DNMT3A: variants seen among roughly 807,000 people sequenced by gnomAD.
DNMT3A encodes DNA (cytosine-5)-methyltransferase 3A.
In DNMT3A, 267 loss-of-function variants were observed where a neutral mutation model predicts 117.6. The ratio of observed to expected loss-of-function variants is 2.27; its 90% confidence interval spans 2.05 to 2.51. The LOEUF is 2.51. Among genes scored for constraint, DNMT3A ranks in the 30% most tolerant of loss-of-function variants. The pLI, the probability that DNMT3A is intolerant of heterozygous loss-of-function variation, is 0.00. For missense variants in DNMT3A, 1,029 were observed against 1,260.2 expected, an observed-to-expected ratio of 0.82 and a Z score of 2.78; for synonymous variants, 432 against 474.8, an observed-to-expected ratio of 0.91 and a Z score of 1.17.
intron 6 of DNMT3A, among the ~76,000 whole-genome samples, chr2:25,253,491 A>C (rs1675834882): frequency 6.6e-6 from 1 of 152,076 alleles, no homozygotes; most frequent in Non-Finnish European, 1.5e-5. Flanking sequence ...GAATGAGGTG[A>C]GATGGGTAGG....
chr2:25,273,277 A>AT (rs995020122), intron 6 of DNMT3A, among the ~76,000 whole-genome samples: 2 of 151,748 alleles, frequency 1.3e-5, no homozygotes, highest in Non-Finnish European at 2.9e-5. Flanking sequence ...CGCCTGGCTA[A>AT]TTTTTTGTAT....
At chr2:25,334,510 C>T (rs560838619) in intron 1 of DNMT3A, among the ~76,000 whole-genome samples, 1 of 152,326 alleles carries the variant, frequency 6.6e-6, no homozygotes, top group South Asian at 2.1e-4. Context: ...CCAGTTATAC[C>T]TCCAGTTCCC....
At chr2:25,318,668 G>A (rs1261249291) in intron 1 of DNMT3A, among the ~76,000 whole-genome samples, 2 of 150,624 alleles carry the variant, frequency 1.3e-5, no homozygotes, top group African/African-American at 2.4e-5. Flanking sequence ...AAGTGTGAGA[G>A]TAAAATAAAG....
Position 25,231,385 on chromosome 2 carries a change from C to G in DNMT3A, c.*2894G>C, listed in dbSNP as rs1332896141. 1 of 152,234 alleles carries G rather than the reference C, an allele frequency of 6.6e-6. No homozygotes were observed. Among genetic ancestry groups the G allele is most frequent in the African/African-American group, 2.4e-5 (1 of 41,458 alleles). 9.4% of individuals were successfully genotyped at this position (152,234 alleles called of 1,614,324 possible). A position where few individuals can be genotyped will look rare whatever the true frequency, so the allele number is the denominator to read the frequency against. On this transcript the variant is annotated 3_prime_UTR_variant, in exon 23 of 23. Transcript: ENST00000321117. The stretch of plus-strand genomic sequence containing the variant: ...CCTGTCAAGAGGTGACAGGAAGCAA[C>G]TGGGCATGATCTTAAACACCAATCT...
At chr2:25,335,537 T>C (rs985964792) in intron 1 of DNMT3A, among the ~76,000 whole-genome samples, 2 of 152,006 alleles carry the variant, frequency 1.3e-5, no homozygotes, top group Admixed American at 1.3e-4. Flanking sequence ...CCCCATAATC[T>C]CTAAGCATCT....
intron 2 of DNMT3A, among the ~76,000 whole-genome samples, chr2:25,310,903 GC>G (rs1427133962): frequency 3.9e-5 from 6 of 152,214 alleles, no homozygotes; most frequent in Non-Finnish European, 8.8e-5. Context: ...CCCAGGTGAT[GC>G]TGAAGTTGCT....
At chr2:25,246,984 G>A (rs545166494) in intron 9 of DNMT3A, 67 bp downstream of exon 9, 38 of 1,560,938 alleles carry the variant, frequency 2.4e-5, no homozygotes, top group Admixed American at 1.1e-4. Flanking sequence ...AGCCCGACCT[G>A]CACTCCAACT....
In DNMT3A at chr2:25,231,436, C is replaced by T. The variant is rs1392949995; in HGVS notation, c.*2843G>A. 1 of 152,196 alleles carries T rather than the reference C, an allele frequency of 6.6e-6. No homozygotes were observed. The highest frequency in any genetic ancestry group is 2.4e-5 in the African/African-American group (1 of 41,434). 9.4% of individuals were successfully genotyped at this position (152,196 alleles called of 1,614,324 possible). On this transcript the variant is annotated 3_prime_UTR_variant, in exon 23 of 23. Coordinates refer to ENST00000321117, the MANE Select transcript of DNMT3A (RefSeq NM_022552.5). The stretch of plus-strand genomic sequence containing the variant: ...GTCGAGGAGACAGTAGATTGGGGTC[C>T]AGGACCAAGCACCCCAAAAAGGGGT...
chr2:25,280,096 G>T (rs1287593052), intron 4 of DNMT3A, among the ~76,000 whole-genome samples: 1 of 152,044 alleles, frequency 6.6e-6, no homozygotes, highest in Non-Finnish European at 1.5e-5. Context: ...CCCAGACCCA[G>T]GAATCATCCT....
intron 4 of DNMT3A, among the ~76,000 whole-genome samples, chr2:25,277,431 C>T (rs1202698047): frequency 1.3e-5 from 2 of 152,028 alleles, no homozygotes; most frequent in African/African-American, 4.8e-5. Context: ...CAGGTGGCGG[C>T]CTGGGGGCGG....
chr2:25,253,875 C>T (rs1186841946), intron 6 of DNMT3A, among the ~76,000 whole-genome samples: 2 of 152,056 alleles, frequency 1.3e-5, no homozygotes, highest in Non-Finnish European at 2.9e-5. Flanking sequence ...AGTTTGAGAC[C>T]GGCCTGACTA....
At chr2:25,277,570 T>G (rs1300778480) in intron 4 of DNMT3A, among the ~76,000 whole-genome samples, 4 of 152,190 alleles carry the variant, frequency 2.6e-5, no homozygotes, top group Admixed American at 2.0e-4. Flanking sequence ...GGACCTGGAC[T>G]TGGGGCTTCC....
At chr2:25,291,066 G>A (rs1573438906) in intron 3 of DNMT3A, among the ~76,000 whole-genome samples, 1 of 152,288 alleles carries the variant, frequency 6.6e-6, no homozygotes, top group East Asian at 1.9e-4. Flanking sequence ...CACGCCTGCA[G>A]ACACCCACTG....
Position 25,228,431 on chromosome 2 carries a change from GT to G in DNMT3A, c.*5847del, listed in dbSNP as rs1672758179. 1 of 151,848 alleles carries G rather than the reference GT, an allele frequency of 6.6e-6. No individual in the cohort carries two copies. The highest frequency in any genetic ancestry group is 1.5e-5 in the Non-Finnish European group (1 of 67,992). 9.4% of individuals were successfully genotyped at this position (151,848 alleles called of 1,614,324 possible). On this transcript the variant is annotated 3_prime_UTR_variant, in exon 23 of 23. Coordinates refer to ENST00000321117, the MANE Select transcript of DNMT3A (RefSeq NM_022552.5). ...CACCGGGGTCAAAGCGAAATCGTCT[GT>G]AACAGTAAAAGTTATTACCAAATCA...
intron 2 of DNMT3A, among the ~76,000 whole-genome samples, chr2:25,301,484 G>A (rs958678737): frequency 1.3e-5 from 2 of 152,070 alleles, no homozygotes; most frequent in African/African-American, 4.8e-5. Context: ...TGCATTCACC[G>A]AGTTTGGAAC....
At position 25,247,952 on chromosome 2, in the gene DNMT3A, TG is replaced by T; in HGVS notation, c.855+84del. 6.3e-7 allele frequency: 1 copy of T among 1,582,798 alleles called. No homozygotes were observed. Among genetic ancestry groups the T allele is most frequent in the African/African-American group, 1.4e-5 (1 of 73,856 alleles). On this transcript the variant is annotated intron_variant, in intron 7 of 22. Coordinates refer to ENST00000321117, the MANE Select transcript of DNMT3A (RefSeq NM_022552.5). The surrounding 1 kb of genome is among the most constrained non-coding windows in gnomAD (Gnocchi z 5.6). ...GAGAGAGCGAGCGGCCCGTGGGAGA[TG>T]GAGAGAGGAGAGCAGGACGGGAGGA... is the stretch of plus-strand genomic sequence containing the variant.
intron 6 of DNMT3A, among the ~76,000 whole-genome samples, chr2:25,266,642 G>A (rs1479513381): frequency 6.6e-6 from 1 of 152,222 alleles, no homozygotes; most frequent in African/African-American, 2.4e-5. Context: ...AAAGTCAGAG[G>A]AGGCAACATT....
chr2:25,234,203 G>C lies in DNMT3A; in HGVS notation c.*76C>G, dbSNP rs1340241869. 3.8e-5 allele frequency: 59 copies of C among 1,535,328 alleles called. No homozygotes were observed. The Admixed American group carries it at 1.1e-3, about 29-fold the overall frequency. Reference sequence around the variant, plus strand: ...TACTTCTCTCCATCCTCATGTTCTTGGTGTTTTATTATGTTTTGTGTTTTT... The same window carrying C: ...TACTTCTCTCCATCCTCATGTTCTTCGTGTTTTATTATGTTTTGTGTTTTT... On this transcript the variant is annotated 3_prime_UTR_variant, in exon 23 of 23. Coordinates refer to ENST00000321117, the MANE Select transcript of DNMT3A (RefSeq NM_022552.5). This position sits in a 1 kb window ranked among gnomAD's most constrained non-coding sequence, Gnocchi z 4.5.
At chr2:25,269,859 G>A (rs1249639036) in intron 6 of DNMT3A, among the ~76,000 whole-genome samples, 1 of 152,148 alleles carries the variant, frequency 6.6e-6, no homozygotes, top group South Asian at 2.1e-4. Context: ...CTTTCATTTT[G>A]TGACATTCTG....
Sources: gnomAD v4.1 joint callset for allele counts (sites outside exome capture counted in the v4.1 genomes callset) on GRCh38, gnomAD v4.1.1 for gene constraint, Gnocchi (gnomAD v3.1) non-coding constraint, MANE v1.5 for transcripts, NCBI Gene and HGNC (gene_info 2026-07-23, HGNC 2026-07-21) for gene names.